Variants in DCC observed in about 807,000 individuals in gnomAD.
The protein encoded by DCC is DCC netrin 1 receptor, also known as netrin receptor DCC.
A neutral mutation model predicts 172.5 loss-of-function variants in DCC; 58 were observed. The observed-to-expected ratio is 0.34, with a 90% confidence interval of 0.27 to 0.42. DCC has a LOEUF of 0.42. Ranked by LOEUF, DCC falls within the 10% of genes least tolerant of loss-of-function variation. The pLI, the probability that DCC is intolerant of heterozygous loss-of-function variation, is 1.00. For missense variants in DCC, 1,740 were observed against 1,791.0 expected, an observed-to-expected ratio of 0.97 and a Z score of 0.51; for synonymous variants, 709 against 644.5, an observed-to-expected ratio of 1.10 and a Z score of -1.52.
chr18:53,253,782 A>C (rs923467427), intron 12 of DCC, among the ~76,000 whole-genome samples: 1 of 152,090 alleles, frequency 6.6e-6, no homozygotes, highest in Admixed American at 6.6e-5. Flanking sequence ...TTAAGGAGTT[A>C]GATTGAAACT....
intron 2 of DCC, among the ~76,000 whole-genome samples, chr18:52,765,200 AT>A (rs563633847): frequency 0.031 from 4,252 of 138,068 alleles, 84 homozygotes; most frequent in Middle Eastern, 0.083. Flanking sequence ...CTCCTGGCTA[AT>A]TTTTTTTTTT....
chr18:52,434,781 C>T lies in DCC; in HGVS notation c.91+93903C>T, dbSNP rs141994877. Among the ~76,000 whole-genome samples, 114 of 152,188 alleles carry T rather than the reference C, an allele frequency of 7.5e-4. 1 individual carries two copies. Among genetic ancestry groups the T allele is most frequent in the Non-Finnish European group, 9.9e-4 (67 of 68,010 alleles). ...CCCTTTTATTTTATTAACACTGTTA[C>T]ATACTAGACACCTAGTCACTGCCCC... On this transcript the variant is annotated intron_variant, in intron 1 of 28. Transcript: ENST00000442544.
At chr18:53,501,173 T>A (rs1463458481) in intron 27 of DCC, among the ~76,000 whole-genome samples, 1 of 152,198 alleles carries the variant, frequency 6.6e-6, no homozygotes, top group Non-Finnish European at 1.5e-5. Flanking sequence ...CTTTAATGAA[T>A]CTTTAATGCA....
chr18:52,827,731 A>G (rs921114557), intron 2 of DCC, among the ~76,000 whole-genome samples: 1 of 152,204 alleles, frequency 6.6e-6, no homozygotes, highest in Non-Finnish European at 1.5e-5. Context: ...TCTTCTCTAG[A>G]AAAATATTTC....
chr18:52,498,121 C>T (rs1341745750), intron 1 of DCC, among the ~76,000 whole-genome samples: 2 of 151,224 alleles, frequency 1.3e-5, no homozygotes, highest in Non-Finnish European at 2.9e-5. Context: ...ACAAAATGTT[C>T]TTCTTTTTTT....
At chr18:53,513,847 C>T (rs1214532376) in intron 27 of DCC, among the ~76,000 whole-genome samples, 3 of 150,004 alleles carry the variant, frequency 2.0e-5, no homozygotes, top group Non-Finnish European at 4.4e-5. Flanking sequence ...GACTTAGACT[C>T]CCACACATTA....
chr18:52,453,253 A>G (rs981577899), intron 1 of DCC, among the ~76,000 whole-genome samples: 1 of 152,216 alleles, frequency 6.6e-6, no homozygotes, highest in Admixed American at 6.5e-5. Context: ...CAAAGCACAG[A>G]TCCATTAGGC....
chr18:53,264,243 C>T (rs1016182598), intron 12 of DCC, among the ~76,000 whole-genome samples: 1 of 152,018 alleles, frequency 6.6e-6, no homozygotes, highest in African/African-American at 2.4e-5. Context: ...AATCCCAGCA[C>T]TTTGGGAGGC....
chr18:53,034,563 G>A (rs1226838142), intron 5 of DCC, among the ~76,000 whole-genome samples: 1 of 151,718 alleles, frequency 6.6e-6, no homozygotes, highest in Non-Finnish European at 1.5e-5. Context: ...CTACCATTAT[G>A]TCTCCCCTAG....
At chr18:52,792,440 G>A (rs1232007447) in intron 2 of DCC, among the ~76,000 whole-genome samples, 4 of 152,176 alleles carry the variant, frequency 2.6e-5, no homozygotes, top group Admixed American at 2.0e-4. Flanking sequence ...GTCAGAGGCC[G>A]AGGTCAGTCC....
At chr18:52,613,704 C>T (rs2034319091) in intron 1 of DCC, among the ~76,000 whole-genome samples, 3 of 152,038 alleles carry the variant, frequency 2.0e-5, no homozygotes. Flanking sequence ...ATAGCTGTAC[C>T]CCTCATTCTT....
chr18:52,619,026 C>T (rs1481874273), intron 1 of DCC, among the ~76,000 whole-genome samples: 2 of 152,214 alleles, frequency 1.3e-5, no homozygotes, highest in Admixed American at 1.3e-4. Flanking sequence ...CAACCTCCGC[C>T]TCCCAGGCTC....
At chr18:53,152,112 A>T (rs528692368) in intron 7 of DCC, among the ~76,000 whole-genome samples, 1 of 152,322 alleles carries the variant, frequency 6.6e-6, no homozygotes, top group African/African-American at 2.4e-5. Context: ...GTGAAGATGC[A>T]GACTAATAAA....
chr18:52,874,256 C>G (rs753553436), intron 2 of DCC, among the ~76,000 whole-genome samples: 2 of 152,084 alleles, frequency 1.3e-5, no homozygotes, highest in South Asian at 2.1e-4. Context: ...AAGCCAATTA[C>G]TTTTAATGAC....
At chr18:52,523,896 G>T (rs374679988) in intron 1 of DCC, among the ~76,000 whole-genome samples, 10 of 152,140 alleles carry the variant, frequency 6.6e-5, no homozygotes, top group African/African-American at 2.4e-4. Flanking sequence ...AAGTTCTGCC[G>T]TTGTCTTAAG....
intron 1 of DCC, among the ~76,000 whole-genome samples, chr18:52,439,163 G>A (rs1393707312): frequency 8.0e-6 from 1 of 124,458 alleles, no homozygotes; most frequent in East Asian, 2.5e-4. Context: ...TAATATTTTG[G>A]AAGATATGTT....
intron 22 of DCC, among the ~76,000 whole-genome samples, chr18:53,445,779 G>T (rs951115568): frequency 1.3e-5 from 2 of 151,770 alleles, no homozygotes; most frequent in Non-Finnish European, 2.9e-5. Context: ...CAAACATCAT[G>T]GAAATAAAAA....
At chr18:53,330,674 C>T (rs1220020116) in intron 14 of DCC, among the ~76,000 whole-genome samples, 1 of 152,150 alleles carries the variant, frequency 6.6e-6, no homozygotes, top group Non-Finnish European at 1.5e-5. Flanking sequence ...CTGCACTGCC[C>T]TCCAGGTTCA....
chr18:52,754,066 G>A (rs1288524408), intron 2 of DCC: 1 of 152,064 alleles, frequency 6.6e-6, no homozygotes, highest in African/African-American at 2.4e-5. Context: ...TTTGTTATGG[G>A]TTTTCTTTCC....
Sources: allele counts gnomAD v4.1 joint callset (sites outside exome capture counted in the v4.1 genomes callset), GRCh38; gene constraint gnomAD v4.1.1; transcripts MANE v1.5; gene names NCBI Gene and HGNC (gene_info 2026-07-23, HGNC 2026-07-21).